Variants in RGS7 observed in about 807,000 individuals in gnomAD.
The protein encoded by RGS7 is regulator of G-protein signaling 7.
RGS7 carries 27 observed loss-of-function variants against 81.1 expected under a neutral mutation model. The observed-to-expected ratio is 0.33, with a 90% CI of 0.25 to 0.46. RGS7 has a LOEUF of 0.46. RGS7 is among the 20% of genes least tolerant of loss of function. RGS7 has a pLI of 1.00. For synonymous variants in RGS7, 208 were observed against 207.7 expected, an observed-to-expected ratio of 1.00 and a Z score of -0.01; for missense variants, 396 against 607.4, an observed-to-expected ratio of 0.65 and a Z score of 3.66.
At chr1:241,061,737 T>G (rs1572501095) in intron 3 of RGS7, among the ~76,000 whole-genome samples, 1 of 152,236 alleles carries the variant, frequency 6.6e-6, no homozygotes, top group Middle Eastern at 3.4e-3. Context: ...TTTGGGAAGC[T>G]AGGAGAGGTA....
intron 2 of RGS7, among the ~76,000 whole-genome samples, chr1:241,107,869 T>C (rs2065223480): frequency 6.6e-6 from 1 of 152,098 alleles, no homozygotes; most frequent in Non-Finnish European, 1.5e-5. Context: ...GCAGAGAAAC[T>C]AAAGGCATTC....
intron 2 of RGS7, among the ~76,000 whole-genome samples, chr1:241,206,944 CTTCT>C (rs1009418168): frequency 6.9e-5 from 10 of 144,938 alleles, no homozygotes; most frequent in African/African-American, 2.5e-4. Context: ...CCTTTTCTTC[CTTCT>C]TTCTCTCTCT....
chr1:241,181,424 G>A (rs929048774), intron 2 of RGS7, among the ~76,000 whole-genome samples: 2 of 152,186 alleles, frequency 1.3e-5, no homozygotes, highest in Non-Finnish European at 2.9e-5. Context: ...TTCGGCCATA[G>A]AGTAGTAATA....
chr1:240,920,138 C>A, intron 6 of RGS7: 1 of 938,296 alleles, frequency 1.1e-6, no homozygotes, highest in Non-Finnish European at 1.7e-6. Flanking sequence ...ATAAGACGGT[C>A]ATTCAGAAAT....
At position 241,162,248 on chromosome 1, in the gene RGS7, G is replaced by A. The variant is rs904650376; in HGVS notation, c.79-63486C>T. Among the ~76,000 whole-genome samples the A allele has an allele frequency of 2.4e-5, 3 of 127,328 alleles. No individual in the cohort carries two copies. In the East Asian group the frequency reaches 6.1e-4, roughly 26 times the overall value. 83.5% of individuals were successfully genotyped at this position (127,328 alleles called of 152,430 possible). A position where few individuals can be genotyped will look rare whatever the true frequency, so the allele number is the denominator to read the frequency against. On this transcript the variant is annotated intron_variant, in intron 2 of 18. Coordinates refer to ENST00000440928, the MANE Select transcript of RGS7 (RefSeq NM_001364886.1). ...CTTCCAAATAAGATCTCAGAAGTTG[G>A]GCGAGCACGCTAAGCATGTGCACTA...
chr1:241,064,393 C>T (rs1192104806), intron 3 of RGS7, among the ~76,000 whole-genome samples: 4 of 143,942 alleles, frequency 2.8e-5, no homozygotes, highest in Admixed American at 2.1e-4. Context: ...GGAGAACAGC[C>T]TGGGCAAGAT....
intron 2 of RGS7, among the ~76,000 whole-genome samples, chr1:241,348,892 G>A (rs1393838983): frequency 6.6e-6 from 1 of 152,122 alleles, no homozygotes; most frequent in Admixed American, 6.6e-5. Context: ...TATGACTGGA[G>A]GTAGTGGAAA....
intron 2 of RGS7, among the ~76,000 whole-genome samples, chr1:241,111,638 CAA>C (rs2102953591): frequency 6.6e-6 from 1 of 152,022 alleles, no homozygotes; most frequent in South Asian, 2.1e-4. Flanking sequence ...AATGAAAAGA[CAA>C]GTGTAAAAAC....
At chr1:241,269,351 C>T (rs928212629) in intron 2 of RGS7, among the ~76,000 whole-genome samples, 1 of 152,206 alleles carries the variant, frequency 6.6e-6, no homozygotes, top group African/African-American at 2.4e-5. Flanking sequence ...CTGGAGCATG[C>T]CAGCAAGTAA....
chr1:241,265,089 G>A (rs1040699203), intron 2 of RGS7, among the ~76,000 whole-genome samples: 14 of 152,302 alleles, frequency 9.2e-5, no homozygotes, highest in African/African-American at 1.4e-4. Context: ...CATGGAACCA[G>A]GGTTCAACCT....
intron 2 of RGS7, among the ~76,000 whole-genome samples, chr1:241,278,729 G>A (rs1024021960): frequency 1.3e-5 from 2 of 152,188 alleles, no homozygotes; most frequent in Admixed American, 1.3e-4. Flanking sequence ...TAGCATTGAA[G>A]ATCTACGTTC....
At chr1:241,286,703 C>A (rs989355325) in intron 2 of RGS7, among the ~76,000 whole-genome samples, 1 of 152,200 alleles carries the variant, frequency 6.6e-6, no homozygotes, top group African/African-American at 2.4e-5. Flanking sequence ...CAAGTGCCAG[C>A]ACCCTGTGGC....
At chr1:241,268,370 G>A (rs1044943124) in intron 2 of RGS7, among the ~76,000 whole-genome samples, 2 of 152,158 alleles carry the variant, frequency 1.3e-5, no homozygotes, top group African/African-American at 4.8e-5. Context: ...GAGACTGTTC[G>A]GTGCATCGTA....
At chr1:240,949,740 C>G (rs1319514374) in intron 4 of RGS7, among the ~76,000 whole-genome samples, 1 of 145,656 alleles carries the variant, frequency 6.9e-6, no homozygotes, top group South Asian at 2.3e-4. Flanking sequence ...ACCAGCTGCT[C>G]GGGAGGCTGG....
chr1:241,073,587 C>T (rs905328718), intron 3 of RGS7, among the ~76,000 whole-genome samples: 8 of 152,140 alleles, frequency 5.3e-5, no homozygotes, highest in African/African-American at 1.9e-4. Flanking sequence ...TCTTTATTGT[C>T]AGTAATGTGG....
intron 13 of RGS7, among the ~76,000 whole-genome samples, chr1:240,812,686 A>C (rs61832420): frequency 0.47 from 70,995 of 151,540 alleles, 18,238 homozygotes; most frequent in Non-Finnish European, 0.58. Context: ...CCACCCACCA[A>C]AGCGTCCCAA....
At chr1:240,959,730 C>T (rs989510594) in intron 4 of RGS7, among the ~76,000 whole-genome samples, 9 of 152,128 alleles carry the variant, frequency 5.9e-5, no homozygotes, top group African/African-American at 2.2e-4. Context: ...ATTGCAAATA[C>T]ATAAGATGAT....
chr1:241,329,821 A>G (rs1256793143), intron 2 of RGS7, among the ~76,000 whole-genome samples: 1 of 152,160 alleles, frequency 6.6e-6, no homozygotes, highest in East Asian at 1.9e-4. Flanking sequence ...TGGATCATAG[A>G]TATAAAACAT....
intron 2 of RGS7, among the ~76,000 whole-genome samples, chr1:241,210,222 T>A (rs546491441): frequency 8.5e-5 from 13 of 152,294 alleles, no homozygotes; most frequent in African/African-American, 2.9e-4. Flanking sequence ...CTATCTTGGT[T>A]CACTGCAACC....
Sources: allele counts gnomAD v4.1 joint callset (sites outside exome capture counted in the v4.1 genomes callset), GRCh38; gene constraint gnomAD v4.1.1; transcripts MANE v1.5; gene names NCBI Gene and HGNC (gene_info 2026-07-23, HGNC 2026-07-21).